The following RBFOX1 variants were observed in gnomAD, a reference collection of about 807,000 sequenced individuals.
The protein encoded by RBFOX1 is RNA binding fox-1 homolog 1.
A neutral mutation model predicts 57.7 loss-of-function variants in RBFOX1; 8 were observed. The observed-to-expected ratio is 0.14, with a 90% confidence interval of 0.08 to 0.25. The LOEUF (loss-of-function observed/expected upper bound fraction) is 0.25. RBFOX1 is among the 10% of genes least tolerant of loss of function. The pLI, the probability that RBFOX1 is intolerant of heterozygous loss-of-function variation, is 1.00. For missense variants in RBFOX1, 611 were observed against 548.5 expected, an observed-to-expected ratio of 1.11 and a Z score of -1.14; for synonymous variants, 326 against 222.4, an observed-to-expected ratio of 1.47 and a Z score of -4.15.
intron 4 of RBFOX1, among the ~76,000 whole-genome samples, chr16:7,365,496 C>A (rs955179268): frequency 5.9e-5 from 9 of 152,150 alleles, no homozygotes; most frequent in East Asian, 1.9e-4. Flanking sequence ...TTTTCCCCCC[C>A]ACAGGGAACA....
chr16:5,386,526 C>T (rs548691567), intron 1 of RBFOX1, among the ~76,000 whole-genome samples: 1 of 152,296 alleles, frequency 6.6e-6, no homozygotes, highest in Non-Finnish European at 1.5e-5. Flanking sequence ...CTCCTGCCCT[C>T]CCTACTCTTT....
intron 4 of RBFOX1, among the ~76,000 whole-genome samples, chr16:7,338,291 T>G (rs2096831065): frequency 6.6e-6 from 1 of 152,108 alleles, no homozygotes; most frequent in Non-Finnish European, 1.5e-5. Context: ...GGCTGAGATT[T>G]TTCCAGCCTA....
intron 3 of RBFOX1, among the ~76,000 whole-genome samples, chr16:6,759,740 A>G (rs1003724355): frequency 2.6e-5 from 4 of 152,166 alleles, no homozygotes; most frequent in Non-Finnish European, 5.9e-5. Flanking sequence ...CATTGACTAC[A>G]TGTATGCTGA....
chr16:6,862,864 A>T lies in RBFOX1; in HGVS notation c.-15-189193A>T, dbSNP rs149997020. On this transcript the variant is annotated intron_variant, in intron 3 of 15. Coordinates refer to ENST00000550418, the MANE Select transcript of RBFOX1 (RefSeq NM_018723.4). ...GCCAGTCATGGTGGCCGGCACCTGT[A>T]ATCCCAGCTACTCAGGAGGTTGAGG... Among the ~76,000 whole-genome samples the T allele has an allele frequency of 5.3e-5, 8 of 151,208 alleles. No individual in the cohort carries two copies. In the East Asian group the frequency reaches 1.6e-3, roughly 30 times the overall value.
At chr16:5,898,024 G>A (rs554462248) in intron 4 of RBFOX1, among the ~76,000 whole-genome samples, 2 of 152,042 alleles carry the variant, frequency 1.3e-5, no homozygotes, top group Non-Finnish European at 2.9e-5. Flanking sequence ...TAAGGAAAGA[G>A]GTTTAATTGA....
intron 3 of RBFOX1, among the ~76,000 whole-genome samples, chr16:6,810,421 T>G (rs932446821): frequency 2.6e-5 from 4 of 152,148 alleles, no homozygotes; most frequent in African/African-American, 9.7e-5. Flanking sequence ...TACTTTTTCC[T>G]GGGAGAAGGA....
intron 3 of RBFOX1, among the ~76,000 whole-genome samples, chr16:6,888,786 A>T (rs2064742760): frequency 6.6e-6 from 1 of 152,106 alleles, no homozygotes; most frequent in East Asian, 1.9e-4. Flanking sequence ...GAAGAATTTT[A>T]TTTCACCCTA....
At chr16:5,316,442 C>T (rs1438876940) in intron 1 of RBFOX1, among the ~76,000 whole-genome samples, 1 of 152,178 alleles carries the variant, frequency 6.6e-6, no homozygotes, top group African/African-American at 2.4e-5. Context: ...TGGCGTGGAG[C>T]AGCTTGAGGC....
At chr16:6,797,357 C>G (rs753480295) in intron 3 of RBFOX1, among the ~76,000 whole-genome samples, 12 of 152,030 alleles carry the variant, frequency 7.9e-5, no homozygotes, top group Non-Finnish European at 1.5e-4. Context: ...CATTATGAAG[C>G]AGAGAGTGGA....
intron 2 of RBFOX1, among the ~76,000 whole-genome samples, chr16:6,317,356 CT>C (rs765972014): frequency 1.6e-4 from 24 of 151,764 alleles, no homozygotes; most frequent in Non-Finnish European, 2.9e-4. Context: ...TTCTTTTTTT[CT>C]CCCCCTAAGG....
chr16:7,705,441 C>T (rs975390006), intron 14 of RBFOX1, among the ~76,000 whole-genome samples: 3 of 151,796 alleles, frequency 2.0e-5, no homozygotes, highest in Non-Finnish European at 4.4e-5. Flanking sequence ...AGGGACGGAG[C>T]TTGCAGTGAG....
intron 4 of RBFOX1, among the ~76,000 whole-genome samples, chr16:7,274,487 A>AATAC (rs1212559322): frequency 6.6e-6 from 1 of 152,112 alleles, no homozygotes; most frequent in Non-Finnish European, 1.5e-5. Context: ...TAGCTTGGAG[A>AATAC]ATACATACAT....
At chr16:6,788,858 A>T (rs530574952) in intron 3 of RBFOX1, among the ~76,000 whole-genome samples, 298 of 152,190 alleles carry the variant, frequency 2.0e-3, no homozygotes, top group South Asian at 0.017. Context: ...GCATCGCCTC[A>T]CTTCTGAGAA....
intron 11 of RBFOX1, among the ~76,000 whole-genome samples, chr16:7,649,829 C>G (rs921622207): frequency 4.6e-5 from 7 of 152,124 alleles, no homozygotes; most frequent in South Asian, 2.1e-4. Context: ...TTCTGTGACT[C>G]AAGCTAATGA....
At chr16:6,689,241 G>T (rs1317635171) in intron 3 of RBFOX1, among the ~76,000 whole-genome samples, 4 of 152,102 alleles carry the variant, frequency 2.6e-5, no homozygotes, top group Non-Finnish European at 5.9e-5. Flanking sequence ...GTAGGAAGTG[G>T]TTGCAGGATC....
At chr16:5,929,974 A>C (rs1384025074) in intron 4 of RBFOX1, among the ~76,000 whole-genome samples, 1 of 151,692 alleles carries the variant, frequency 6.6e-6, no homozygotes, top group African/African-American at 2.4e-5. Flanking sequence ...TCAGGAAAGG[A>C]GAAAGACGGA....
intron 4 of RBFOX1, among the ~76,000 whole-genome samples, chr16:5,945,481 G>T (rs2059383026): frequency 1.3e-5 from 2 of 152,222 alleles, no homozygotes; most frequent in African/African-American, 4.8e-5. Flanking sequence ...CTAGGCATGT[G>T]CCAGGCTGTG....
At chr16:7,539,344 G>A (rs2082302728) in intron 5 of RBFOX1, among the ~76,000 whole-genome samples, 2 of 152,126 alleles carry the variant, frequency 1.3e-5, no homozygotes, top group South Asian at 2.1e-4. Flanking sequence ...ATTCCAGGAA[G>A]AGTGAAGAGT....
intron 4 of RBFOX1, among the ~76,000 whole-genome samples, chr16:5,905,762 T>C (rs2058441712): frequency 6.6e-6 from 1 of 152,062 alleles, no homozygotes; most frequent in African/African-American, 2.4e-5. Context: ...ACCCAACCCT[T>C]CAGATTTCTT....
Sources: allele counts gnomAD v4.1 joint callset (sites outside exome capture counted in the v4.1 genomes callset), GRCh38; gene constraint gnomAD v4.1.1; transcripts MANE v1.5; gene names NCBI Gene and HGNC (gene_info 2026-07-23, HGNC 2026-07-21).